EYA3: variants seen among roughly 807,000 people sequenced by gnomAD.
EYA3 encodes the protein EYA transcriptional coactivator and phosphatase 3, also known as protein phosphatase EYA3.
A neutral mutation model predicts 80.0 loss-of-function variants in EYA3; 39 were observed. That is an observed-to-expected ratio of 0.49 (90% CI 0.38 to 0.64). The LOEUF is 0.64. Among genes scored for constraint, EYA3 ranks in the 30% least tolerant of loss-of-function variants. The pLI, the probability that EYA3 is intolerant of heterozygous loss-of-function variation, is 0.00. For synonymous variants in EYA3, 206 were observed against 232.8 expected (o/e 0.88, Z 1.05); for missense variants, 523 against 676.1 (o/e 0.77, Z 2.51).
At chr1:28,048,311 G>A in intron 3 of EYA3, 72 bp downstream of exon 3, 6 of 1,054,020 alleles carry the variant, frequency 5.7e-6, no homozygotes, top group Non-Finnish European at 6.9e-6. Context: ...ATGCCCATAC[G>A]CTAATCAGCA....
intron 1 of EYA3, among the ~76,000 whole-genome samples, chr1:28,079,666 G>A (rs1645350826): frequency 6.6e-6 from 1 of 152,184 alleles, no homozygotes; most frequent in African/African-American, 2.4e-5. Context: ...GAACAGGGAT[G>A]ACAGTAATGG....
chr1:28,021,184 C>T (rs553424779), intron 7 of EYA3, among the ~76,000 whole-genome samples: 10 of 152,300 alleles, frequency 6.6e-5, no homozygotes, highest in African/African-American at 2.2e-4. Flanking sequence ...CACTGTCTTT[C>T]TTTAAGTTAC....
chr1:28,061,757 G>A (rs529867953), intron 1 of EYA3, among the ~76,000 whole-genome samples: 2 of 152,076 alleles, frequency 1.3e-5, no homozygotes, highest in Admixed American at 1.3e-4. Flanking sequence ...CCGCCACCAC[G>A]CCCGGCTAAT....
At chr1:27,999,412 T>C (rs1010393087) in intron 12 of EYA3, among the ~76,000 whole-genome samples, 1 of 152,186 alleles carries the variant, frequency 6.6e-6, no homozygotes, top group Non-Finnish European at 1.5e-5. Context: ...CATGAAGCTC[T>C]TAGTGTTTCC....
rs187219271 is a variant in EYA3, at chr1:27,977,644, T to A, written c.1641+730A>T. Among the ~76,000 whole-genome samples the A allele has an allele frequency of 6.4e-3, 962 of 150,920 alleles. 9 individuals carry two copies. Among genetic ancestry groups the A allele is most frequent in the African/African-American group, 0.022 (888 of 41,076 alleles). On this transcript the variant is annotated intron_variant, in intron 17 of 17. Transcript: ENST00000373871. ...GGCAGGCGGATCACAAGGTCAGGAG[T>A]TCGAGACCAGCCTGGCCAATACGGG... is the stretch of plus-strand genomic sequence containing the variant.
Position 28,017,036 on chromosome 1 carries a change from G to A in EYA3, c.585+118C>T, listed in dbSNP as rs1049969483. 4.0e-5 allele frequency: 31 copies of A among 780,050 alleles called. No homozygotes were observed. The African/African-American group carries it at 5.5e-4, about 14-fold the overall frequency. The allele number at this position is 780,050 out of a possible 1,614,324, so 48.3% of individuals were successfully genotyped here. On this transcript the variant is annotated intron_variant, in intron 8 of 17. Coordinates refer to ENST00000373871, the MANE Select transcript of EYA3 (RefSeq NM_001990.4). ...GAGTTCTGAAGGTATCCAGAAAAAA[G>A]TCTCCACAGCCCATACTATTCCTGG...
Position 27,975,774 on chromosome 1 carries a change from G to A in EYA3, c.1642-1228C>T, listed in dbSNP as rs60165213. ...GTTGGGATTACAGGCGTGAGCCACC[G>A]TGCCCGGCCGATATTTTTAAATTAA... On this transcript the variant is annotated intron_variant, in intron 17 of 17. Transcript: ENST00000373871. Among the ~76,000 whole-genome samples the A allele has an allele frequency of 4.0e-5, 6 of 151,774 alleles. No homozygotes were observed. The East Asian group carries it at 1.2e-3, about 30-fold the overall frequency.
At chr1:28,062,986 GA>G in intron 1 of EYA3, among the ~76,000 whole-genome samples, 1 of 133,330 alleles carries the variant, frequency 7.5e-6, no homozygotes, top group Non-Finnish European at 1.6e-5. Context: ...TGGGCGACAG[GA>G]AACTGACTAA....
intron 12 of EYA3, 135 bp from the exon 13 acceptor site, chr1:27,997,513 A>G: frequency 1.3e-6 from 1 of 755,572 alleles, no homozygotes. Flanking sequence ...GTGGGTGATC[A>G]CTCTCACACC....
chr1:27,975,227 G>A (rs965729728), intron 17 of EYA3, among the ~76,000 whole-genome samples: 1 of 152,064 alleles, frequency 6.6e-6, no homozygotes, highest in Non-Finnish European at 1.5e-5. Context: ...TGTCACCCAG[G>A]CTGGAGTGTA....
intron 1 of EYA3, among the ~76,000 whole-genome samples, chr1:28,086,894 T>C (rs185653981): frequency 3.7e-4 from 57 of 152,354 alleles, no homozygotes; most frequent in Admixed American, 6.5e-4. Flanking sequence ...AGGACTAACA[T>C]GGCCAAGCTC....
chr1:28,079,064 C>T (rs780993370), intron 1 of EYA3, among the ~76,000 whole-genome samples: 9 of 152,222 alleles, frequency 5.9e-5, no homozygotes, highest in Non-Finnish European at 8.8e-5. Context: ...TTATCCTTTA[C>T]CATTCTCATT....
At chr1:28,059,114 A>G (rs1251233119) in intron 1 of EYA3, among the ~76,000 whole-genome samples, 2 of 152,236 alleles carry the variant, frequency 1.3e-5, no homozygotes, top group Non-Finnish European at 2.9e-5. Flanking sequence ...TTGTTATGCC[A>G]GTATACCACC....
At chr1:28,006,270 G>GTTTTT (rs1460131167) in intron 10 of EYA3, among the ~76,000 whole-genome samples, 1 of 151,606 alleles carries the variant, frequency 6.6e-6, no homozygotes, top group Non-Finnish European at 1.5e-5. Context: ...GAACAGAGGG[G>GTTTTT]GAAAAAGCTA....
At chr1:28,062,951 G>A (rs1401099551) in intron 1 of EYA3, among the ~76,000 whole-genome samples, 5 of 149,188 alleles carry the variant, frequency 3.4e-5, no homozygotes, top group South Asian at 2.1e-4. Context: ...GCAGTGAGCC[G>A]AGATTGCACC....
intron 17 of EYA3, among the ~76,000 whole-genome samples, chr1:27,977,673 C>T (rs1571692481): frequency 1.3e-5 from 2 of 151,752 alleles, no homozygotes; most frequent in South Asian, 2.1e-4. Flanking sequence ...ATACGGGAAA[C>T]CCCGTCTCTA....
chr1:28,058,998 G>C (rs1198862122), intron 1 of EYA3, among the ~76,000 whole-genome samples: 1 of 152,140 alleles, frequency 6.6e-6, no homozygotes, highest in African/African-American at 2.4e-5. Flanking sequence ...GCTGTTTTTA[G>C]CTTTTCTACC....
chr1:28,041,551 T>C (rs1333502371), intron 4 of EYA3, among the ~76,000 whole-genome samples: 5 of 136,704 alleles, frequency 3.7e-5, no homozygotes, highest in Admixed American at 3.6e-4. Flanking sequence ...AGACTCCATC[T>C]CAAAAAACAT....
chr1:28,043,164 T>C (rs949661709), intron 3 of EYA3, among the ~76,000 whole-genome samples: 2 of 152,136 alleles, frequency 1.3e-5, no homozygotes, highest in African/African-American at 2.4e-5. Flanking sequence ...CTTATATCTC[T>C]AGATCCCTTT....
Sources: allele counts gnomAD v4.1 joint callset (sites outside exome capture counted in the v4.1 genomes callset), GRCh38; gene constraint gnomAD v4.1.1; transcripts MANE v1.5; gene names NCBI Gene and HGNC (gene_info 2026-07-23, HGNC 2026-07-21).